TTLL11: variants seen among roughly 807,000 people sequenced by gnomAD.
TTLL11 encodes the protein tubulin polyglutamylase TTLL11.
Under a neutral mutation model 51.7 loss-of-function variants are expected in TTLL11, and 42 were observed. That is an observed-to-expected ratio of 0.81 (90% CI 0.64 to 1.05). TTLL11 has a LOEUF of 1.05. Ranked by LOEUF, TTLL11 falls within the 50% of genes least tolerant of loss-of-function variation. The pLI is 0.00. For missense variants in TTLL11, 799 were observed against 940.4 expected (o/e 0.85, Z 1.97); for synonymous variants, 381 against 383.5 (o/e 0.99, Z 0.08).
intron 1 of TTLL11, among the ~76,000 whole-genome samples, chr9:122,092,482 G>A (rs2131952161): frequency 6.6e-6 from 1 of 152,290 alleles, no homozygotes; most frequent in East Asian, 1.9e-4. Context: ...GACCTGGAGG[G>A]GTCTGGGGGG....
At chr9:121,945,349 T>C (rs761797083) in intron 6 of TTLL11, among the ~76,000 whole-genome samples, 17 of 152,180 alleles carry the variant, frequency 1.1e-4, no homozygotes, top group Non-Finnish European at 2.4e-4. Flanking sequence ...GTGAAAATAA[T>C]GAAAGCAATA....
intron 7 of TTLL11, among the ~76,000 whole-genome samples, chr9:121,866,515 C>G (rs1398802444): frequency 1.3e-5 from 2 of 151,876 alleles, no homozygotes; most frequent in Non-Finnish European, 2.9e-5. Flanking sequence ...CAAAAATTAG[C>G]CGGGCATGGT....
intron 3 of TTLL11, among the ~76,000 whole-genome samples, chr9:122,006,742 T>C (rs1024508986): frequency 3.3e-5 from 5 of 152,216 alleles, no homozygotes; most frequent in Admixed American, 2.0e-4. Context: ...CCCAGCACTT[T>C]GGGAGGCCAA....
At chr9:121,984,244 G>T (rs905440366) in intron 4 of TTLL11, among the ~76,000 whole-genome samples, 1 of 150,276 alleles carries the variant, frequency 6.7e-6, no homozygotes, top group Non-Finnish European at 1.5e-5. Context: ...GTTCCTGTTA[G>T]GTTTAAAATG....
At chr9:122,077,091 C>T (rs183820305) in intron 1 of TTLL11, among the ~76,000 whole-genome samples, 3 of 151,962 alleles carry the variant, frequency 2.0e-5, no homozygotes, top group Admixed American at 1.3e-4. Context: ...TTTTCAAGAA[C>T]GAGGAGAAAA....
intron 8 of TTLL11, among the ~76,000 whole-genome samples, chr9:121,838,350 C>T (rs890168820): frequency 2.0e-5 from 3 of 152,126 alleles, no homozygotes; most frequent in Admixed American, 1.3e-4. Flanking sequence ...CCTTGAAGCC[C>T]CCACAGCCTC....
chr9:121,899,605 T>C (rs1042304988), intron 6 of TTLL11, among the ~76,000 whole-genome samples: 1 of 152,108 alleles, frequency 6.6e-6, no homozygotes, highest in East Asian at 1.9e-4. Context: ...GGTCTTGCTA[T>C]GTTGCCCAGG....
Position 121,822,515 on chromosome 9 carries a change from G to A in TTLL11, c.*72C>T, listed in dbSNP as rs1442514656. On this transcript the variant is annotated 3_prime_UTR_variant, in exon 9 of 9. Coordinates refer to ENST00000321582, the MANE Select transcript of TTLL11 (RefSeq NM_001139442.2). The surrounding 1 kb of genome is among the most constrained non-coding windows in gnomAD (Gnocchi z 5.8). ...CAGCCTGCCTGCCATTCCTCTGCAG[G>A]CAGAATGCCTGGGGCGCTCCAGCCC... 9.6e-6 allele frequency: 13 copies of A among 1,361,228 alleles called. No individual in the cohort carries two copies. In the East Asian group the frequency reaches 2.8e-4, roughly 29 times the overall value. The allele number at this position is 1,361,228 out of a possible 1,614,324, so 84.3% of individuals were successfully genotyped here.
chr9:121,945,970 T>TA (rs1207223510), intron 6 of TTLL11, among the ~76,000 whole-genome samples: 5 of 152,054 alleles, frequency 3.3e-5, no homozygotes, highest in South Asian at 4.2e-4. Context: ...TTCGAAAATA[T>TA]AAAAAAAACT....
At chr9:121,933,281 C>T (rs1343002588) in intron 6 of TTLL11, among the ~76,000 whole-genome samples, 3 of 152,102 alleles carry the variant, frequency 2.0e-5, no homozygotes, top group African/African-American at 2.4e-5. Flanking sequence ...AACGCTCTCC[C>T]GGGCTGTGAC....
intron 1 of TTLL11, among the ~76,000 whole-genome samples, chr9:122,080,191 A>G (rs1845966820): frequency 1.3e-5 from 2 of 152,144 alleles, no homozygotes. Context: ...TAGGTTGGAG[A>G]AGATTCATTT....
At chr9:121,907,778 C>T (rs1207097129) in intron 6 of TTLL11, among the ~76,000 whole-genome samples, 1 of 151,926 alleles carries the variant, frequency 6.6e-6, no homozygotes, top group African/African-American at 2.4e-5. Flanking sequence ...TGTGGTGGCT[C>T]GCCATGAAAA....
chr9:121,925,760 C>G (rs1840705871), intron 6 of TTLL11, among the ~76,000 whole-genome samples: 1 of 152,172 alleles, frequency 6.6e-6, no homozygotes, highest in African/African-American at 2.4e-5. Context: ...AGTCCAGAGC[C>G]TGGAACGGCA....
chr9:122,048,963 G>GC (rs1588237921), intron 1 of TTLL11, among the ~76,000 whole-genome samples: 1 of 151,040 alleles, frequency 6.6e-6, no homozygotes, highest in East Asian at 1.9e-4. Flanking sequence ...TGTAGGCTTT[G>GC]TTTTTAACCT....
chr9:121,831,007 G>A (rs1245858723), intron 8 of TTLL11, among the ~76,000 whole-genome samples: 1 of 152,178 alleles, frequency 6.6e-6, no homozygotes, highest in Non-Finnish European at 1.5e-5. Context: ...GTATGATACT[G>A]GTGGAGGTGG....
At chr9:121,882,573 T>G (rs1253739085) in intron 6 of TTLL11, among the ~76,000 whole-genome samples, 1 of 152,190 alleles carries the variant, frequency 6.6e-6, no homozygotes, top group African/African-American at 2.4e-5. Flanking sequence ...TTCCCTCCTC[T>G]AGGACCCTTA....
At chr9:121,884,427 C>T (rs1421106118) in intron 6 of TTLL11, among the ~76,000 whole-genome samples, 2 of 152,210 alleles carry the variant, frequency 1.3e-5, no homozygotes, top group East Asian at 1.9e-4. Flanking sequence ...GTCTCTTTCT[C>T]AGTTGTCATG....
chr9:121,858,333 G>A (rs545842907), intron 8 of TTLL11, among the ~76,000 whole-genome samples: 2 of 152,216 alleles, frequency 1.3e-5, no homozygotes, highest in South Asian at 2.1e-4. Context: ...GAACGGGCTC[G>A]GGTGGATTGG....
intron 3 of TTLL11, among the ~76,000 whole-genome samples, chr9:121,992,541 A>G (rs1843145923): frequency 1.3e-5 from 2 of 152,348 alleles, no homozygotes; most frequent in East Asian, 3.9e-4. Context: ...TCACTAGACT[A>G]AGTGAATTAA....
Sources: gnomAD v4.1 joint callset for allele counts (sites outside exome capture counted in the v4.1 genomes callset) on GRCh38, gnomAD v4.1.1 for gene constraint, Gnocchi (gnomAD v3.1) non-coding constraint, MANE v1.5 for transcripts, NCBI Gene and HGNC (gene_info 2026-07-23, HGNC 2026-07-21) for gene names.